Variants in TULP4 observed in about 807,000 individuals in gnomAD.
The protein encoded by TULP4 is tubby-related protein 4.
In TULP4, 16 loss-of-function variants were observed where a neutral mutation model predicts 129.0. The ratio of observed to expected loss-of-function variants is 0.12; its 90% CI spans 0.08 to 0.19. The LOEUF is 0.19. Ranked by LOEUF, TULP4 falls within the 10% of genes least tolerant of loss-of-function variation. TULP4 has a pLI of 1.00. For synonymous variants in TULP4, 998 were observed against 854.0 expected (o/e 1.17, Z -2.94); for missense variants, 1,842 against 2,059.1 (o/e 0.89, Z 2.04).
intron 1 of TULP4, among the ~76,000 whole-genome samples, chr6:158,307,172 A>G (rs924739637): frequency 6.6e-6 from 1 of 152,254 alleles, no homozygotes; most frequent in Non-Finnish European, 1.5e-5. Flanking sequence ...TTTTGGCAGC[A>G]ATATCTAATG....
Position 158,471,293 on chromosome 6 carries a change from A to G in TULP4, c.1027-8458A>G, listed in dbSNP as rs958814927. 3.9e-5 allele frequency among the ~76,000 whole-genome samples: 6 copies of G among 152,364 alleles called. No homozygotes were observed. The East Asian group carries it at 5.8e-4, about 15-fold the overall frequency. ...GTGCCATCCACTTGCCATTCCGGAT[A>G]ATAAAGTGAGAGTCAGTGATGTCCA... is the stretch of plus-strand genomic sequence containing the variant. On this transcript the variant is annotated intron_variant, in intron 6 of 13. Transcript: ENST00000367097.
chr6:158,235,609 A>C (rs553445587), intron 1 of TULP4, among the ~76,000 whole-genome samples: 1 of 152,322 alleles, frequency 6.6e-6, no homozygotes, highest in Non-Finnish European at 1.5e-5. Flanking sequence ...AGGCCTCCCG[A>C]AGTGCTTGGT....
At chr6:158,452,325 C>T in intron 5 of TULP4, 57 bp downstream of exon 5, 1 of 1,595,654 alleles carries the variant, frequency 6.3e-7, no homozygotes, top group Middle Eastern at 1.9e-4. Flanking sequence ...GTGCTTGCCT[C>T]AAGGCCGGTC....
At chr6:158,501,546 C>A in intron 12 of TULP4, 132 bp from the exon 13 acceptor site, 1 of 900,004 alleles carries the variant, frequency 1.1e-6, no homozygotes, top group Non-Finnish European at 1.6e-6. Flanking sequence ...CCCAAGCAGA[C>A]ACGTCTCTGT....
intron 6 of TULP4, among the ~76,000 whole-genome samples, chr6:158,477,724 A>G (rs1014303140): frequency 6.6e-6 from 1 of 152,256 alleles, no homozygotes; most frequent in African/African-American, 2.4e-5. Flanking sequence ...CAAAGAATTG[A>G]GAACTAACGT....
At chr6:158,451,580 T>G (rs1439169644) in intron 4 of TULP4, among the ~76,000 whole-genome samples, 2 of 152,232 alleles carry the variant, frequency 1.3e-5, no homozygotes, top group Non-Finnish European at 2.9e-5. Context: ...ATGCCGGCTG[T>G]GCTCCGCAGG....
intron 3 of TULP4, among the ~76,000 whole-genome samples, chr6:158,430,574 C>T (rs987213211): frequency 3.3e-5 from 5 of 151,922 alleles, no homozygotes; most frequent in African/African-American, 1.2e-4. Context: ...GAAACCCTGT[C>T]TCTACTAAAA....
intron 1 of TULP4, among the ~76,000 whole-genome samples, chr6:158,348,337 TTG>T (rs1420163489): frequency 6.6e-6 from 1 of 152,070 alleles, no homozygotes; most frequent in Non-Finnish European, 1.5e-5. Context: ...TCCACAGTGT[TTG>T]TGTCCCTGGG....
chr6:158,275,250 C>G (rs972515273), intron 1 of TULP4, among the ~76,000 whole-genome samples: 2 of 152,118 alleles, frequency 1.3e-5, no homozygotes, highest in African/African-American at 4.8e-5. Context: ...TCCTCTTAGT[C>G]CTGCCCATCT....
intron 1 of TULP4, among the ~76,000 whole-genome samples, chr6:158,284,879 A>G (rs548063097): frequency 1.3e-5 from 2 of 152,318 alleles, no homozygotes; most frequent in South Asian, 4.1e-4. Flanking sequence ...TGGAATGGGG[A>G]TGATACCTAC....
chr6:158,505,550 A>G (rs896251866), intron 13 of TULP4, among the ~76,000 whole-genome samples: 6 of 152,250 alleles, frequency 3.9e-5, no homozygotes, highest in African/African-American at 1.4e-4. Context: ...AGCCCCTGCT[A>G]TAGTGCTAGG....
At chr6:158,429,006 AATACCTTGTTCTGTCACCC>A (rs1206358790) in intron 2 of TULP4, among the ~76,000 whole-genome samples, 2 of 152,344 alleles carry the variant, frequency 1.3e-5, no homozygotes, top group African/African-American at 4.8e-5. Context: ...CTTTAGAGAC[AATACCTTGTTCTGTCACCC>A]AGGCTGGAGT....
rs534422353 is a variant in TULP4, at chr6:158,491,390, GTTCTTTCTTTCT to G, written c.1631+1701_1631+1712del. On this transcript the variant is annotated intron_variant, in intron 9 of 13. Coordinates refer to ENST00000367097, the MANE Select transcript of TULP4 (RefSeq NM_020245.5). The stretch of plus-strand genomic sequence containing the variant: ...TGGGTTGTTTTATTGAGTTATAAGA[GTTCTTTCTTTCT>G]TTCTTTCTTTCTTTCTTTCTTTCTT... 1.1e-3 allele frequency among the ~76,000 whole-genome samples: 158 copies of G among 146,880 alleles called. 1 individual carries two copies. The highest frequency in any genetic ancestry group is 3.5e-3 in the African/African-American group (138 of 39,544).
chr6:158,338,437 A>G (rs1780094786), intron 1 of TULP4, among the ~76,000 whole-genome samples: 1 of 152,186 alleles, frequency 6.6e-6, no homozygotes, highest in Admixed American at 6.5e-5. Context: ...CTTATTTTGG[A>G]CACTCTCATG....
chr6:158,413,121 C>T lies in TULP4; in HGVS notation c.309C>T (p.Asp103=), dbSNP rs200173619. Residue 103 remains aspartate, a synonymous_variant, in exon 2 of 14, where the codon GAC becomes GAT. Coordinates refer to ENST00000367097, the MANE Select transcript of TULP4 (RefSeq NM_020245.5). The surrounding 1 kb of genome is among the most constrained non-coding windows in gnomAD (Gnocchi z 4.9). ...AGAAACTGGCCACGTGCGATGCGGA[C>T]GGAGGCATATTCGTGTGGATTCAGT... ...PYQKLATCDA[D]GGIFVWIQYE... 79 of 1,613,636 alleles carry T rather than the reference C, an allele frequency of 4.9e-5. No homozygotes were observed. The highest frequency in any genetic ancestry group is 3.3e-4 in the Middle Eastern group (2 of 6,082).
intron 5 of TULP4, among the ~76,000 whole-genome samples, chr6:158,460,119 C>A (rs1306158960): frequency 6.6e-6 from 1 of 152,204 alleles, no homozygotes; most frequent in African/African-American, 2.4e-5. Flanking sequence ...CAGCTAACTT[C>A]ATGAGAAAGT....
At chr6:158,441,462 G>C (rs1778896796) in intron 3 of TULP4, among the ~76,000 whole-genome samples, 1 of 152,112 alleles carries the variant, frequency 6.6e-6, no homozygotes, top group Admixed American at 6.5e-5. Context: ...GCATGATGAT[G>C]GCCTTGGTTT....
chr6:158,366,871 G>T (rs1445582689), intron 1 of TULP4, among the ~76,000 whole-genome samples: 1 of 152,122 alleles, frequency 6.6e-6, no homozygotes, highest in Admixed American at 6.5e-5. Context: ...CTAAGTTGCC[G>T]TATACACAGC....
intron 1 of TULP4, among the ~76,000 whole-genome samples, chr6:158,382,402 G>A (rs1777350299): frequency 6.6e-6 from 1 of 152,140 alleles, no homozygotes; most frequent in African/African-American, 2.4e-5. Flanking sequence ...TCATAATTGA[G>A]CGGGAAAACA....
Sources: gnomAD v4.1 joint callset for allele counts (sites outside exome capture counted in the v4.1 genomes callset) on GRCh38, gnomAD v4.1.1 for gene constraint, Gnocchi (gnomAD v3.1) non-coding constraint, MANE v1.5 for transcripts, NCBI Gene and HGNC (gene_info 2026-07-23, HGNC 2026-07-21) for gene names.